Variants in MYO16 observed in about 807,000 individuals in gnomAD.
MYO16 encodes myosin XVI.
MYO16 carries 94 observed loss-of-function variants against 205.3 expected under a neutral mutation model. The ratio of observed to expected loss-of-function variants is 0.46; its 90% CI spans 0.39 to 0.54. The LOEUF (loss-of-function observed/expected upper bound fraction) is 0.54, where lower values mean the gene tolerates loss of function less well. Ranked by LOEUF, MYO16 falls within the 20% of genes least tolerant of loss-of-function variation. MYO16 has a pLI of 0.00. For missense variants in MYO16, 2,315 were observed against 2,387.5 expected (o/e 0.97, Z 0.63); for synonymous variants, 988 against 954.0 (o/e 1.04, Z -0.66).
chr13:108,527,144 A>G, the MYO16 span, among the ~76,000 whole-genome samples: 1 of 152,218 alleles, frequency 6.6e-6, no homozygotes, highest in African/African-American at 2.4e-5. Flanking sequence ...ACGGCTTTCT[A>G]AGACAAATTT....
chr13:108,983,722 G>A (rs182467118), intron 20 of MYO16, among the ~76,000 whole-genome samples: 1 of 152,276 alleles, frequency 6.6e-6, no homozygotes, highest in Admixed American at 6.5e-5. Flanking sequence ...CGCTGCCTGA[G>A]GAATAGGTTC....
At chr13:108,571,347 G>C in the MYO16 span, among the ~76,000 whole-genome samples, 17 of 151,588 alleles carry the variant, frequency 1.1e-4, no homozygotes, top group South Asian at 3.6e-3. Flanking sequence ...GAACCTTTGA[G>C]AATAGAAAAA....
At chr13:108,576,252 G>A in the MYO16 span, among the ~76,000 whole-genome samples, 1 of 152,304 alleles carries the variant, frequency 6.6e-6, no homozygotes, top group South Asian at 2.1e-4. Flanking sequence ...ATGAATCCTG[G>A]CTCCTAGAAG....
At chr13:108,881,083 G>A (rs1434247786) in intron 12 of MYO16, among the ~76,000 whole-genome samples, 2 of 152,184 alleles carry the variant, frequency 1.3e-5, no homozygotes, top group Non-Finnish European at 2.9e-5. Flanking sequence ...GTCCCTCTGA[G>A]ACGAAGCTTC....
intron 27 of MYO16, among the ~76,000 whole-genome samples, chr13:109,071,828 T>A (rs2139650155): frequency 6.6e-6 from 1 of 152,194 alleles, no homozygotes; most frequent in East Asian, 1.9e-4. Context: ...CTATTGGTCT[T>A]GTCCTAGTGA....
chr13:108,642,717 C>G (rs1880563355), intron 1 of MYO16, among the ~76,000 whole-genome samples: 1 of 152,136 alleles, frequency 6.6e-6, no homozygotes, highest in African/African-American at 2.4e-5. Flanking sequence ...CGTGCCCGGC[C>G]TTTGGGTGTT....
chr13:109,185,018 GCCCC>G (rs1049628627), intron 34 of MYO16, among the ~76,000 whole-genome samples: 7 of 152,078 alleles, frequency 4.6e-5, no homozygotes, highest in African/African-American at 1.7e-4. Flanking sequence ...CAAATGATTT[GCCCC>G]CCTCCCTCCC....
chr13:109,076,410 A>G (rs9521155), intron 27 of MYO16, among the ~76,000 whole-genome samples: 73,197 of 151,902 alleles, frequency 0.48, 17,885 homozygotes, highest in Middle Eastern at 0.55. Flanking sequence ...TGTTGAAACA[A>G]CACAGAGTTG....
chr13:109,117,440 A>G (rs8002354), intron 28 of MYO16, among the ~76,000 whole-genome samples: 1 of 139,416 alleles, frequency 7.2e-6, no homozygotes, highest in African/African-American at 2.7e-5. Flanking sequence ...ATATATATGT[A>G]TATATATGTA....
intron 14 of MYO16, among the ~76,000 whole-genome samples, chr13:108,895,715 T>C (rs1167920756): frequency 2.0e-5 from 3 of 152,226 alleles, no homozygotes; most frequent in African/African-American, 7.2e-5. Flanking sequence ...TATGTCCTTT[T>C]TTCTGTAAAG....
At chr13:108,672,798 G>T (rs1443605837) in intron 2 of MYO16, among the ~76,000 whole-genome samples, 1 of 152,134 alleles carries the variant, frequency 6.6e-6, no homozygotes, top group African/African-American at 2.4e-5. Context: ...TAGAGTGAGT[G>T]GGTGACTTAA....
chr13:109,167,122 G>C (rs1878702609), intron 33 of MYO16: 1 of 152,378 alleles, frequency 6.6e-6, no homozygotes, highest in Admixed American at 6.5e-5. Context: ...CAATCCAAGA[G>C]AGAGCACCCC....
chr13:108,567,049 A>T, the MYO16 span, among the ~76,000 whole-genome samples: 5 of 152,300 alleles, frequency 3.3e-5, no homozygotes, highest in Admixed American at 3.3e-4. Context: ...TAGGAGGTGA[A>T]GATGTATTGA....
chr13:108,576,498 T>A, the MYO16 span, among the ~76,000 whole-genome samples: 26 of 152,346 alleles, frequency 1.7e-4, no homozygotes, highest in South Asian at 3.7e-3. Flanking sequence ...ATAGTAATTA[T>A]ATAAAGCATT....
At chr13:108,962,806 C>G (rs2139369799) in intron 19 of MYO16, among the ~76,000 whole-genome samples, 1 of 152,346 alleles carries the variant, frequency 6.6e-6, no homozygotes, top group South Asian at 2.1e-4. Context: ...CCATGCTGCA[C>G]TCTTCAATGA....
intron 1 of MYO16, among the ~76,000 whole-genome samples, chr13:108,614,817 A>T (rs1374789531): frequency 8.5e-6 from 1 of 118,300 alleles, no homozygotes; most frequent in Non-Finnish European, 1.9e-5. Flanking sequence ...ACAAATTAAC[A>T]AAAAAATAGA....
chr13:109,129,063 C>T (rs780463776), intron 31 of MYO16, among the ~76,000 whole-genome samples: 1 of 149,218 alleles, frequency 6.7e-6, no homozygotes, highest in Non-Finnish European at 1.5e-5. Flanking sequence ...TGAGCCACTG[C>T]GCCAGGCCTT....
At position 108,933,497 on chromosome 13, in the gene MYO16, A is replaced by ATGTG. The variant is rs34277540; in HGVS notation, c.1925+23365_1925+23368dup. 6.3e-3 allele frequency among the ~76,000 whole-genome samples: 945 copies of ATGTG among 149,732 alleles called. 14 individuals carry two copies. The highest frequency in any genetic ancestry group is 0.02 in the African/African-American group (810 of 41,020). Reference sequence around the variant, plus strand: ...CGATAATGTAAGATCGATTATTTGGATGTGTGTGTGTGTGTGTGTGTATGT... The same window carrying ATGTG: ...CGATAATGTAAGATCGATTATTTGGATGTGTGTGTGTGTGTGTGTGTGTGTATGT... On this transcript the variant is annotated intron_variant, in intron 16 of 34. Transcript: ENST00000457511.
rs183458464 is a variant in MYO16 at position 108,913,566 on chromosome 13, C to T, written c.1925+3416C>T. On this transcript the variant is annotated intron_variant, in intron 16 of 34. Transcript: ENST00000457511. ...GCTTGTTCACAATTAGAAATGTAAA[C>T]CTGAATTTGCGAGCTTTCTAACCTT... Among the ~76,000 whole-genome samples the T allele has an allele frequency of 2.0e-5, 3 of 152,244 alleles. No individual in the cohort carries two copies. In the East Asian group the frequency reaches 5.8e-4, roughly 29 times the overall value.
Sources: allele counts gnomAD v4.1 joint callset (sites outside exome capture counted in the v4.1 genomes callset), GRCh38; gene constraint gnomAD v4.1.1; transcripts MANE v1.5; gene names NCBI Gene and HGNC (gene_info 2026-07-23, HGNC 2026-07-21).